The following HTRA4 variants were observed in gnomAD, a reference collection of about 807,000 sequenced individuals.
HTRA4 encodes serine protease HTRA4.
In HTRA4, 46 loss-of-function variants were observed where a neutral mutation model predicts 49.1. That is an observed-to-expected ratio of 0.94 (90% CI 0.74 to 1.20). HTRA4 has a LOEUF of 1.20. Among genes scored for constraint, HTRA4 ranks in the 50% most tolerant of loss-of-function variants. HTRA4 has a pLI of 0.00. For missense variants in HTRA4, 602 were observed against 636.9 expected (o/e 0.95, Z 0.59); for synonymous variants, 261 against 264.0 (o/e 0.99, Z 0.11).
chr8:38,975,014 C>T lies in HTRA4; in HGVS notation c.467-17C>T. 6.2e-7 allele frequency: 1 copy of T among 1,613,090 alleles called. No homozygotes were observed. The highest frequency in any genetic ancestry group is 1.1e-5 in the South Asian group (1 of 91,052). On this transcript the variant is annotated splice_polypyrimidine_tract_variant and intron_variant, in intron 1 of 8. Transcript: ENST00000302495. ...GGTTCCCTCGAGGCGTACTCTTGAG[C>T]CAGTATTTTTTCATAGGGACCAGAA...
At chr8:38,983,347 G>A (rs569831457) in intron 8 of HTRA4, among the ~76,000 whole-genome samples, 2 of 152,324 alleles carry the variant, frequency 1.3e-5, no homozygotes, top group Non-Finnish European at 2.9e-5. Context: ...GACCAGCATG[G>A]CCAACATACT....
In HTRA4 at chr8:38,976,645, T is replaced by C; in HGVS notation, c.677T>C (p.Ile226Thr). 6.2e-7 allele frequency: 1 copy of C among 1,614,174 alleles called. No individual in the cohort carries two copies. Among genetic ancestry groups the C allele is most frequent in the Non-Finnish European group, 8.5e-7 (1 of 1,180,018 alleles). ...NAHVVRNQQWIEVVLQNGARY... is the reference protein window; with the variant it reads ...NAHVVRNQQWTEVVLQNGARY... The stretch of plus-strand genomic sequence containing the variant: ...CATGTTGTCAGGAACCAGCAGTGGA[T>C]TGAGGTGGTGCTCCAGAATGGGGCC... The change falls in exon 3 of 9, where the codon ATT becomes ACT. Residue 226 changes from isoleucine (I) to threonine (T), a missense_variant. Transcript: ENST00000302495.
Position 38,983,054 on chromosome 8 carries a change from A to C in HTRA4, c.1268+6A>C, listed in dbSNP as rs755484999. The C allele has an allele frequency of 6.3e-7, 1 of 1,593,372 alleles. No homozygotes were observed. On this transcript the variant is annotated splice_donor_region_variant and intron_variant, in intron 8 of 8. Coordinates refer to ENST00000302495, the MANE Select transcript of HTRA4 (RefSeq NM_153692.4). ...GAAGGAACAGCTGCTCAAAGGTAAG[A>C]GAAGTGAAGGCCTTTGTCATCTACC...
chr8:38,982,582 G>A, intron 7 of HTRA4, 27 bp downstream of exon 7: 2 of 1,612,836 alleles, frequency 1.2e-6, no homozygotes, highest in Non-Finnish European at 8.5e-7. Flanking sequence ...ATATGTCTGG[G>A]TTGTTTTTCA....
At chr8:38,979,164 G>T in intron 4 of HTRA4, 51 bp from the exon 5 acceptor site, 1 of 1,494,598 alleles carries the variant, frequency 6.7e-7, no homozygotes, top group East Asian at 2.3e-5. Context: ...AAGGACAAGG[G>T]GGAATGTATT....
At chr8:38,985,641 T>C (rs1001864607) in intron 8 of HTRA4, among the ~76,000 whole-genome samples, 11 of 152,184 alleles carry the variant, frequency 7.2e-5, no homozygotes, top group African/African-American at 2.7e-4. Flanking sequence ...TCTGGACTTT[T>C]CTCATTCCTG....
At chr8:38,984,796 C>CA in intron 8 of HTRA4, among the ~76,000 whole-genome samples, 1 of 152,140 alleles carries the variant, frequency 6.6e-6, no homozygotes, top group East Asian at 1.9e-4. Context: ...TGGTGGTTTG[C>CA]ACCTGTGGTC....
intron 5 of HTRA4, 95 bp from the exon 6 acceptor site, chr8:38,981,558 A>G: frequency 2.5e-6 from 2 of 809,970 alleles, no homozygotes; most frequent in East Asian, 2.5e-5. Context: ...TTCTGACCCT[A>G]AGTAACTAGC....
intron 8 of HTRA4, among the ~76,000 whole-genome samples, chr8:38,985,031 AG>A (rs1835467648): frequency 6.6e-6 from 1 of 152,232 alleles, no homozygotes; most frequent in Non-Finnish European, 1.5e-5. Flanking sequence ...AATAAAGCAA[AG>A]GCTAGGACAG....
chr8:38,975,732 T>C (rs1164217704), intron 2 of HTRA4, among the ~76,000 whole-genome samples: 2 of 152,176 alleles, frequency 1.3e-5, no homozygotes, highest in African/African-American at 2.4e-5. Context: ...GTTGTGATCT[T>C]GCTCAGCCCC....
intron 2 of HTRA4, among the ~76,000 whole-genome samples, chr8:38,975,808 C>T (rs1002984859): frequency 6.6e-6 from 1 of 152,188 alleles, no homozygotes; most frequent in Non-Finnish European, 1.5e-5. Flanking sequence ...TACTATGTTA[C>T]GAGGCCAGTT....
Position 38,982,559 on chromosome 8 carries a change from A to G in HTRA4, c.1172+4A>G. On this transcript the variant is annotated splice_donor_region_variant and intron_variant, in intron 7 of 8. Coordinates refer to ENST00000302495, the MANE Select transcript of HTRA4 (RefSeq NM_153692.4). ...AAATGCTGTCCCTCACTGTGCCGTAAGCATGTGTTTGAATATGTCTGGGTT... is the reference window on the plus strand; with the variant it reads ...AAATGCTGTCCCTCACTGTGCCGTAGGCATGTGTTTGAATATGTCTGGGTT... The G allele has an allele frequency of 6.2e-7, 1 of 1,614,072 alleles. No individual in the cohort carries two copies.
rs773383181 is a variant in HTRA4 at position 38,975,131 on chromosome 8, G to A, written c.566+1G>A. On this transcript the variant is annotated splice_donor_variant, in intron 2 of 8. Coordinates refer to ENST00000302495, the MANE Select transcript of HTRA4 (RefSeq NM_153692.4). LOFTEE classifies it high-confidence loss of function. ...TGGTTCACGTGCAGCTGTGGGGCAG[G>A]TAAAGGAGGAGGAGGAAGACCTCCA... is the stretch of plus-strand genomic sequence containing the variant. The A allele has an allele frequency of 6.2e-7, 1 of 1,613,402 alleles. No individual in the cohort carries two copies. Among genetic ancestry groups the A allele is most frequent in the Non-Finnish European group, 8.5e-7 (1 of 1,179,928 alleles).
At chr8:38,982,674 C>T in intron 7 of HTRA4, 119 bp downstream of exon 7, 1 of 872,436 alleles carries the variant, frequency 1.1e-6, no homozygotes, top group Non-Finnish European at 1.9e-6. Flanking sequence ...TGACCATAGG[C>T]CCTATCTGTC....
At chr8:38,977,545 A>G (rs113707582) in intron 3 of HTRA4, among the ~76,000 whole-genome samples, 136 of 152,298 alleles carry the variant, frequency 8.9e-4, no homozygotes, top group African/African-American at 3.2e-3. Flanking sequence ...CATGCACATT[A>G]CAGTGTGAGA....
At chr8:38,984,291 A>T (rs28523000) in intron 8 of HTRA4, among the ~76,000 whole-genome samples, 1 of 151,068 alleles carries the variant, frequency 6.6e-6, no homozygotes, top group Non-Finnish European at 1.5e-5. Context: ...ATGAGCCACC[A>T]CGCCTGGCCA....
In HTRA4 at chr8:38,974,485, G is replaced by A. The variant is rs1423286932; in HGVS notation, c.222G>A (p.Ala74=). Residue 74 remains alanine, a synonymous_variant, in exon 1 of 9, where the codon GCG becomes GCA. Coordinates refer to ENST00000302495, the MANE Select transcript of HTRA4 (RefSeq NM_153692.4). ...DLCRCCRVCP[A]AEREVCGGAQ... ...GCCGCTGTTGCCGCGTCTGCCCCGC[G>A]GCCGAGCGTGAAGTCTGCGGCGGGG... is the stretch of plus-strand genomic sequence containing the variant. 2 of 1,521,304 alleles carry A rather than the reference G, an allele frequency of 1.3e-6. No homozygotes were observed. Among genetic ancestry groups the A allele is most frequent in the Non-Finnish European group, 1.8e-6 (2 of 1,141,152 alleles). 94.2% of individuals were successfully genotyped at this position (1,521,304 alleles called of 1,614,324 possible). A position where few individuals can be genotyped will look rare whatever the true frequency, so the allele number is the denominator to read the frequency against.
intron 8 of HTRA4, among the ~76,000 whole-genome samples, chr8:38,984,295 C>T (rs565425526): frequency 6.1e-4 from 92 of 152,056 alleles, no homozygotes; most frequent in African/African-American, 2.2e-3. Flanking sequence ...GCCACCACGC[C>T]TGGCCATATT....
chr8:38,983,101 C>T (rs1471667706), intron 8 of HTRA4, 53 bp downstream of exon 8: 3 of 1,244,184 alleles, frequency 2.4e-6, no homozygotes, highest in Admixed American at 1.8e-5. Context: ...TAAATGTGTG[C>T]CATGGTAAAA....
Sources: gnomAD v4.1 joint callset for allele counts (sites outside exome capture counted in the v4.1 genomes callset) on GRCh38, gnomAD v4.1.1 for gene constraint, MANE v1.5 for transcripts, NCBI Gene and HGNC (gene_info 2026-07-23, HGNC 2026-07-21) for gene names.